The following TMEM63C variants were observed in gnomAD, a reference collection of about 807,000 sequenced individuals.
TMEM63C encodes the protein osmosensitive cation channel TMEM63C.
A neutral mutation model predicts 99.2 loss-of-function variants in TMEM63C; 32 were observed. The observed-to-expected ratio is 0.32, with a 90% CI of 0.24 to 0.43. The LOEUF is 0.43. TMEM63C is among the 20% of genes least tolerant of loss of function. The probability of loss-of-function intolerance (pLI) is 1.00; values close to 1 mark genes in which losing one functional copy is unlikely to be tolerated. For missense variants in TMEM63C, 826 were observed against 1,053.0 expected (o/e 0.78, Z 2.98); for synonymous variants, 376 against 397.9 (o/e 0.94, Z 0.66).
At chr14:77,189,521 G>A (rs183972758) in intron 1 of TMEM63C, among the ~76,000 whole-genome samples, 1 of 152,294 alleles carries the variant, frequency 6.6e-6, no homozygotes, top group African/African-American at 2.4e-5. Context: ...GTAGTGCCTT[G>A]GAGAGAGTAA....
chr14:77,219,392 C>G (rs539265467), intron 3 of TMEM63C, 106 bp from the exon 4 acceptor site: 3 of 1,156,748 alleles, frequency 2.6e-6, no homozygotes, highest in Non-Finnish European at 3.8e-6. Context: ...GAGGAGCTCC[C>G]TGGGGACCTC....
intron 18 of TMEM63C, 140 bp downstream of exon 18, chr14:77,246,814 T>C (rs1159576305): frequency 3.1e-6 from 2 of 638,950 alleles, no homozygotes; most frequent in Non-Finnish European, 5.3e-6. Flanking sequence ...TGGGCAGACT[T>C]GTTACCTTTC....
chr14:77,254,045 G>C (rs889603447), intron 23 of TMEM63C, among the ~76,000 whole-genome samples: 21 of 152,236 alleles, frequency 1.4e-4, no homozygotes, highest in Admixed American at 1.2e-3. Flanking sequence ...CTCTGAAGAA[G>C]GGTGCCAGGC....
At chr14:77,231,562 C>T (rs759104296) in intron 6 of TMEM63C, 26 bp from the exon 7 acceptor site, 15 of 1,551,276 alleles carry the variant, frequency 9.7e-6, no homozygotes, top group South Asian at 2.4e-5. Context: ...TCCTGAGGCA[C>T]GTCCTTGTCT....
intron 9 of TMEM63C, among the ~76,000 whole-genome samples, chr14:77,237,050 C>A (rs1340212989): frequency 6.6e-6 from 1 of 151,328 alleles, no homozygotes; most frequent in Non-Finnish European, 1.5e-5. Context: ...CCCTCTCACC[C>A]TCCATCCTCT....
chr14:77,240,222 C>T (rs1215634756), intron 12 of TMEM63C, among the ~76,000 whole-genome samples: 7 of 152,232 alleles, frequency 4.6e-5, no homozygotes, highest in Non-Finnish European at 1.5e-5. Flanking sequence ...CTGGGGTCCA[C>T]CCCAAGCCTG....
In TMEM63C at chr14:77,257,552, G is replaced by A. The variant is rs900971474; in HGVS notation, c.*826G>A. ...CAGAAGCCGAATTCATGGAAGGGGG[G>A]TCTTCTCCCCAAAACTCTGTGTGGT... On this transcript the variant is annotated 3_prime_UTR_variant, in exon 24 of 24. Transcript: ENST00000298351. The A allele has an allele frequency of 6.6e-6, 1 of 152,168 alleles. No homozygotes were observed. Among genetic ancestry groups the A allele is most frequent in the Admixed American group, 6.5e-5 (1 of 15,288 alleles). The allele number at this position is 152,168 out of a possible 1,614,324, so 9.4% of individuals were successfully genotyped here.
At chr14:77,231,800 C>T (rs1888948495) in intron 7 of TMEM63C, 70 bp downstream of exon 7, 1 of 1,526,462 alleles carries the variant, frequency 6.6e-7, no homozygotes, top group Non-Finnish European at 8.9e-7. Flanking sequence ...CCAGTCAGGG[C>T]TGGGGTTGAG....
chr14:77,184,476 G>C (rs775433614), intron 1 of TMEM63C, among the ~76,000 whole-genome samples: 1 of 152,160 alleles, frequency 6.6e-6, no homozygotes, highest in Non-Finnish European at 1.5e-5. Flanking sequence ...GGGAAGAGGC[G>C]GGTGGAAGAA....
chr14:77,188,573 A>G (rs1401008366), intron 1 of TMEM63C, among the ~76,000 whole-genome samples: 3 of 152,212 alleles, frequency 2.0e-5, no homozygotes, highest in African/African-American at 7.2e-5. Flanking sequence ...CTTGAAATGC[A>G]AAAAAGAGGT....
chr14:77,211,489 T>C (rs1888497257), intron 1 of TMEM63C, among the ~76,000 whole-genome samples: 1 of 152,234 alleles, frequency 6.6e-6, no homozygotes, highest in African/African-American at 2.4e-5. Flanking sequence ...AATTTGTCCC[T>C]CCCTGGGCCC....
intron 6 of TMEM63C, among the ~76,000 whole-genome samples, chr14:77,230,299 C>G (rs1888915013): frequency 6.6e-6 from 1 of 152,176 alleles, no homozygotes. Context: ...CCCAGCAGCT[C>G]TCTTCCTGTC....
At chr14:77,226,015 T>C (rs956796594) in intron 6 of TMEM63C, among the ~76,000 whole-genome samples, 1 of 152,104 alleles carries the variant, frequency 6.6e-6, no homozygotes, top group Non-Finnish European at 1.5e-5. Flanking sequence ...AGTTACGTGT[T>C]TTCTCCTGAT....
chr14:77,204,171 C>T lies in TMEM63C; in HGVS notation c.-76-9275C>T, dbSNP rs182037333. On this transcript the variant is annotated intron_variant, in intron 1 of 23. Coordinates refer to ENST00000298351, the MANE Select transcript of TMEM63C (RefSeq NM_020431.4). ...AAGAATTGCAGCAATAACTCAGGGT[C>T]AAACTGGATCCCTCAGCTTCACCCA... Among the ~76,000 whole-genome samples the T allele has an allele frequency of 8.3e-4, 126 of 152,348 alleles. 1 individual carries two copies. Among genetic ancestry groups the T allele is most frequent in the African/African-American group, 2.9e-3 (122 of 41,582 alleles).
intron 13 of TMEM63C, among the ~76,000 whole-genome samples, chr14:77,241,957 G>C (rs1288909682): frequency 1.3e-5 from 2 of 152,228 alleles, no homozygotes; most frequent in Non-Finnish European, 2.9e-5. Flanking sequence ...ACAGTGTCAA[G>C]CACACAGAAA....
At chr14:77,192,594 T>C (rs113940211) in intron 1 of TMEM63C, among the ~76,000 whole-genome samples, 12 of 152,176 alleles carry the variant, frequency 7.9e-5, no homozygotes, top group African/African-American at 2.9e-4. Context: ...GGGGCAAAGA[T>C]ATTTTAAAAA....
rs1889471450 is a variant in TMEM63C, at chr14:77,256,804, T to C, written c.*78T>C. 1.4e-5 allele frequency: 19 copies of C among 1,389,724 alleles called. No individual in the cohort carries two copies. Among genetic ancestry groups the C allele is most frequent in the Non-Finnish European group, 1.7e-5 (17 of 1,001,278 alleles). The allele number at this position is 1,389,724 out of a possible 1,614,324, so 86.1% of individuals were successfully genotyped here. ...GGCAAGGGGAGGCAGGAGGGTGGCCTGGACCTCCCCACTACCTCCTGCAGA... is the reference window on the plus strand; with the variant it reads ...GGCAAGGGGAGGCAGGAGGGTGGCCCGGACCTCCCCACTACCTCCTGCAGA... On this transcript the variant is annotated 3_prime_UTR_variant, in exon 24 of 24. Coordinates refer to ENST00000298351, the MANE Select transcript of TMEM63C (RefSeq NM_020431.4).
At chr14:77,243,743 CCAA>C (rs1237377801) in intron 15 of TMEM63C, among the ~76,000 whole-genome samples, 1 of 152,166 alleles carries the variant, frequency 6.6e-6, no homozygotes, top group Non-Finnish European at 1.5e-5. Flanking sequence ...ATCCTCATTT[CCAA>C]CAACACACAT....
chr14:77,186,776 G>GGGGTGTGT (rs1374329494), intron 1 of TMEM63C, among the ~76,000 whole-genome samples: 35 of 138,438 alleles, frequency 2.5e-4, no homozygotes, highest in Admixed American at 2.0e-3. Flanking sequence ...GAACCAAAGG[G>GGGGTGTGT]GTGTGTGTGT....
Sources: gnomAD v4.1 joint callset for allele counts (sites outside exome capture counted in the v4.1 genomes callset) on GRCh38, gnomAD v4.1.1 for gene constraint, MANE v1.5 for transcripts, NCBI Gene and HGNC (gene_info 2026-07-23, HGNC 2026-07-21) for gene names.